Variants in ZNF614 observed in about 807,000 individuals in gnomAD.
ZNF614 encodes zinc finger protein 614.
A neutral mutation model predicts 12.8 loss-of-function variants in ZNF614; 11 were observed. The observed-to-expected ratio is 0.86, with a 90% CI of 0.54 to 1.43. ZNF614 has a LOEUF of 1.43. ZNF614 is among the 40% of genes most tolerant of loss of function. The pLI is 0.00. For synonymous variants in ZNF614, 237 were observed against 237.5 expected (o/e 1.00, Z 0.02); for missense variants, 664 against 708.8 (o/e 0.94, Z 0.72).
rs1394042358 is a variant in ZNF614 at position 52,015,464 on chromosome 19, A to G, written c.*376T>C. ...GAAATCTATGATGAAACCTGATAATAAAGTCTATCTTTCCACAGAAGACTT... is the reference window on the plus strand; with the variant it reads ...GAAATCTATGATGAAACCTGATAATGAAGTCTATCTTTCCACAGAAGACTT... On this transcript the variant is annotated 3_prime_UTR_variant, in exon 5 of 5. Transcript: ENST00000270649. The G allele has an allele frequency of 6.2e-6, 1 of 162,186 alleles. No homozygotes were observed. The highest frequency in any genetic ancestry group is 2.4e-5 in the African/African-American group (1 of 41,628). 10.0% of individuals were successfully genotyped at this position (162,186 alleles called of 1,614,324 possible). A position where few individuals can be genotyped will look rare whatever the true frequency, so the allele number is the denominator to read the frequency against.
rs2086884387 is a variant in ZNF614 at position 52,014,424 on chromosome 19, A to T, written c.*1416T>A. The stretch of plus-strand genomic sequence containing the variant: ...CAAGACTTCCCCCACATCAGATGCC[A>T]CTCACAAGGACAACCTGCAGTTCTG... On this transcript the variant is annotated 3_prime_UTR_variant, in exon 5 of 5. Coordinates refer to ENST00000270649, the MANE Select transcript of ZNF614 (RefSeq NM_025040.4). 1 of 152,192 alleles carries T rather than the reference A, an allele frequency of 6.6e-6. No homozygotes were observed. The highest frequency in any genetic ancestry group is 2.4e-5 in the African/African-American group (1 of 41,424). 9.4% of individuals were successfully genotyped at this position (152,192 alleles called of 1,614,324 possible). A position where few individuals can be genotyped will look rare whatever the true frequency, so the allele number is the denominator to read the frequency against.
Position 52,014,143 on chromosome 19 carries a change from G to A in ZNF614, c.*1697C>T, listed in dbSNP as rs2086882555. ...ACAATTAAGCTCAGAGCCAAAGAAA[G>A]GAAAAGAGCTAATCATAATATGGGG... On this transcript the variant is annotated 3_prime_UTR_variant, in exon 5 of 5. Transcript: ENST00000270649. 6.6e-6 allele frequency: 1 copy of A among 152,148 alleles called. No homozygotes were observed. Among genetic ancestry groups the A allele is most frequent in the Non-Finnish European group, 1.5e-5 (1 of 68,018 alleles). 9.4% of individuals were successfully genotyped at this position (152,148 alleles called of 1,614,324 possible).
chr19:52,024,606 A>ACCGTAG (rs375522310), intron 2 of ZNF614, among the ~76,000 whole-genome samples: 6 of 151,572 alleles, frequency 4.0e-5, no homozygotes, highest in African/African-American at 1.5e-4. Context: ...TTAATCTGTA[A>ACCGTAG]CCGTAGCCCT....
rs994814392 is a variant in ZNF614, at chr19:52,013,579, A to G, written c.*2261T>C. On this transcript the variant is annotated 3_prime_UTR_variant, in exon 5 of 5. Coordinates refer to ENST00000270649, the MANE Select transcript of ZNF614 (RefSeq NM_025040.4). The stretch of plus-strand genomic sequence containing the variant: ...ACATACTCTCTATCAATAAAAATTC[A>G]TATAACTTATTTATATAAAATTTAT... 2.5e-4 allele frequency: 38 copies of G among 152,142 alleles called. No homozygotes were observed. Among genetic ancestry groups the G allele is most frequent in the African/African-American group, 9.2e-4 (38 of 41,456 alleles). 9.4% of individuals were successfully genotyped at this position (152,142 alleles called of 1,614,324 possible). A position where few individuals can be genotyped will look rare whatever the true frequency, so the allele number is the denominator to read the frequency against.
chr19:52,025,647 T>C (rs1008791489), intron 2 of ZNF614, 84 bp downstream of exon 2: 1 of 1,467,818 alleles, frequency 6.8e-7, no homozygotes, highest in African/African-American at 1.4e-5. Context: ...TAGAACACAA[T>C]TATCCCAGTA....
At position 52,015,624 on chromosome 19, in the gene ZNF614, AG is replaced by A; in HGVS notation, c.*215del. Reference sequence around the variant, plus strand: ...TCATTGACAGAAAATATGAGGTAAAAGACCACTAAAGGCACTACCTTATTTA... The same window carrying A: ...TCATTGACAGAAAATATGAGGTAAAAACCACTAAAGGCACTACCTTATTTA... On this transcript the variant is annotated 3_prime_UTR_variant, in exon 5 of 5. Transcript: ENST00000270649. 1 of 473,490 alleles carries A rather than the reference AG, an allele frequency of 2.1e-6. No individual in the cohort carries two copies. Among genetic ancestry groups the A allele is most frequent in the Non-Finnish European group, 3.7e-6 (1 of 267,980 alleles). The allele number at this position is 473,490 out of a possible 1,614,324, so 29.3% of individuals were successfully genotyped here.
At chr19:52,017,729 G>A in intron 4 of ZNF614, 1 of 353,456 alleles carries the variant, frequency 2.8e-6, no homozygotes, top group Non-Finnish European at 5.0e-6. Flanking sequence ...CTTAGCTTAT[G>A]AGATGATTTG....
rs1240054356 is a variant in ZNF614 at position 52,014,349 on chromosome 19, GTTAGTGCAGTCTAAA to G, written c.*1476_*1490del. The G allele has an allele frequency of 6.6e-6, 1 of 152,058 alleles. No individual in the cohort carries two copies. The highest frequency in any genetic ancestry group is 1.5e-5 in the Non-Finnish European group (1 of 68,008). The allele number at this position is 152,058 out of a possible 1,614,324, so 9.4% of individuals were successfully genotyped here. The stretch of plus-strand genomic sequence containing the variant: ...GTCCAAGTTAGTGCAGTGCAAGTTA[GTTAGTGCAGTCTAAA>G]TTAGTGCAGACTCCACAAGTTAAGG... On this transcript the variant is annotated 3_prime_UTR_variant, in exon 5 of 5. Coordinates refer to ENST00000270649, the MANE Select transcript of ZNF614 (RefSeq NM_025040.4).
In ZNF614 at chr19:52,014,942, T is replaced by G. The variant is rs1019338499; in HGVS notation, c.*898A>C. On this transcript the variant is annotated 3_prime_UTR_variant, in exon 5 of 5. Coordinates refer to ENST00000270649, the MANE Select transcript of ZNF614 (RefSeq NM_025040.4). ...TATCACTCATGAAATTCTAAGCGTT[T>G]TAGGAGCTCTATGCCAGGAACCAGG... 6.6e-6 allele frequency: 1 copy of G among 152,298 alleles called. No individual in the cohort carries two copies. Among genetic ancestry groups the G allele is most frequent in the East Asian group, 1.9e-4 (1 of 5,192 alleles). The allele number at this position is 152,298 out of a possible 1,614,324, so 9.4% of individuals were successfully genotyped here. A position where few individuals can be genotyped will look rare whatever the true frequency, so the allele number is the denominator to read the frequency against.
At chr19:52,019,829 T>G (rs1418355096) in intron 2 of ZNF614, among the ~76,000 whole-genome samples, 2 of 152,082 alleles carry the variant, frequency 1.3e-5, no homozygotes. Flanking sequence ...AACTGCAGAG[T>G]GTGAAGTAGA....
chr19:52,023,178 T>TC (rs201490604), intron 2 of ZNF614, among the ~76,000 whole-genome samples: 17,218 of 150,856 alleles, frequency 0.11, 1,209 homozygotes, highest in South Asian at 0.26. Context: ...ATAAAATTTT[T>TC]TTTTTTTTGA....
intron 4 of ZNF614, chr19:52,017,688 G>A (rs1249213539): frequency 2.4e-5 from 8 of 333,346 alleles, no homozygotes; most frequent in East Asian, 1.1e-4. Context: ...GTGATAGAGC[G>A]AGACTCAGTC....
At chr19:52,024,594 T>C (rs2086958082) in intron 2 of ZNF614, among the ~76,000 whole-genome samples, 1 of 151,724 alleles carries the variant, frequency 6.6e-6, no homozygotes, top group South Asian at 2.1e-4. Flanking sequence ...CTTGAGATGC[T>C]GTTAATCTGT....
chr19:52,022,459 T>C (rs1313037034), intron 2 of ZNF614, among the ~76,000 whole-genome samples: 1 of 152,224 alleles, frequency 6.6e-6, no homozygotes, highest in East Asian at 1.9e-4. Flanking sequence ...AGGAGCGCCT[T>C]TGCGCGGCTG....
At chr19:52,017,562 G>T in intron 4 of ZNF614, 2 of 508,190 alleles carry the variant, frequency 3.9e-6, no homozygotes, top group South Asian at 5.1e-5. Flanking sequence ...TTAGCCGGGC[G>T]TGGTGGCACA....
Position 52,025,757 on chromosome 19 carries a change from C to A in ZNF614, c.-12G>T, listed in dbSNP as rs146741404. ...TGGGTCTTGATCATTTTCTTCTGTG[C>A]TCAGAAAATAGTGGATAACATGGAC... On this transcript the variant is annotated 5_prime_UTR_variant, in exon 2 of 5. Transcript: ENST00000270649. The A allele has an allele frequency of 1.6e-4, 259 of 1,613,806 alleles. 1 individual carries two copies. The African/African-American group carries it at 3.1e-3, about 20-fold the overall frequency.
chr19:52,024,195 G>T (rs1236195114), intron 2 of ZNF614, among the ~76,000 whole-genome samples: 1 of 152,100 alleles, frequency 6.6e-6, no homozygotes, highest in African/African-American at 2.4e-5. Flanking sequence ...CAGTAATCTA[G>T]TAAGTAAACT....
In ZNF614 at chr19:52,018,073, G is replaced by T; in HGVS notation, c.173C>A (p.Ser58Tyr). 6.2e-7 allele frequency: 1 copy of T among 1,614,070 alleles called. No homozygotes were observed. Among genetic ancestry groups the T allele is most frequent in the East Asian group, 2.2e-5 (1 of 44,870 alleles). Reference protein sequence around the residue: ...GYQTSKPDVLSKLAHGQEPWT... With the variant: ...GYQTSKPDVLYKLAHGQEPWT... ...TGGTTCTTGTCCATGTGCCAACTTG[G>T]AGAGTACATCTGGTTTGCTAGTTTG... Residue 58 changes from serine (S) to tyrosine (Y), a missense_variant, in exon 4 of 5, where the codon TCC (serine) becomes TAC (tyrosine). Ser to Tyr is a moderately radical substitution (Grantham distance 144, BLOSUM62 -2). Coordinates refer to ENST00000270649, the MANE Select transcript of ZNF614 (RefSeq NM_025040.4).
rs1348290414 is a variant in ZNF614 at position 52,015,187 on chromosome 19, G to A, written c.*653C>T. On this transcript the variant is annotated 3_prime_UTR_variant, in exon 5 of 5. Coordinates refer to ENST00000270649, the MANE Select transcript of ZNF614 (RefSeq NM_025040.4). ...ATTCATCATTTTCACCACATTTCAT[G>A]CCTTCATGAGCTGTTGATAGTTTGC... The A allele has an allele frequency of 1.3e-5, 2 of 152,202 alleles. No individual in the cohort carries two copies. The highest frequency in any genetic ancestry group is 2.9e-5 in the Non-Finnish European group (2 of 68,050). The allele number at this position is 152,202 out of a possible 1,614,324, so 9.4% of individuals were successfully genotyped here.
Sources: allele counts gnomAD v4.1 joint callset (sites outside exome capture counted in the v4.1 genomes callset), GRCh38; gene constraint gnomAD v4.1.1; transcripts MANE v1.5; gene names NCBI Gene and HGNC (gene_info 2026-07-23, HGNC 2026-07-21).